Variants in ST6GAL1 observed in about 807,000 individuals in gnomAD.
The protein encoded by ST6GAL1 is ST6 beta-galactoside alpha-2,6-sialyltransferase 1, also known as beta-galactoside alpha-2,6-sialyltransferase 1.
ST6GAL1 carries 20 observed loss-of-function variants against 38.0 expected under a neutral mutation model. The ratio of observed to expected loss-of-function variants is 0.53; its 90% CI spans 0.37 to 0.77. The LOEUF (loss-of-function observed/expected upper bound fraction) is 0.77, where lower values mean the gene tolerates loss of function less well. Among genes scored for constraint, ST6GAL1 ranks in the 30% least tolerant of loss-of-function variants. The pLI, the probability that ST6GAL1 is intolerant of heterozygous loss-of-function variation, is 0.00. For synonymous variants in ST6GAL1, 196 were observed against 188.2 expected (o/e 1.04, Z -0.34); for missense variants, 432 against 496.4 (o/e 0.87, Z 1.23).
chr3:187,026,828 G>T (rs550908959), intron 2 of ST6GAL1, among the ~76,000 whole-genome samples: 2 of 152,292 alleles, frequency 1.3e-5, no homozygotes, highest in Admixed American at 1.3e-4. Context: ...GGTGGATCAT[G>T]AGGTCAGGAG....
intron 2 of ST6GAL1, among the ~76,000 whole-genome samples, chr3:186,980,601 T>TGC (rs1472471851): frequency 4.1e-4 from 22 of 53,556 alleles, no homozygotes; most frequent in African/African-American, 1.6e-3. Context: ...CTACTAAAAT[T>TGC]ACAAAAAAAA....
intron 2 of ST6GAL1, among the ~76,000 whole-genome samples, chr3:187,000,619 C>A (rs916748479): frequency 1.3e-5 from 2 of 152,138 alleles, no homozygotes; most frequent in Non-Finnish European, 2.9e-5. Flanking sequence ...TAGTGCATGT[C>A]TTTTGTTAAT....
intron 5 of ST6GAL1, among the ~76,000 whole-genome samples, chr3:187,068,191 A>C (rs140479690): frequency 0.048 from 7,369 of 151,986 alleles, 334 homozygotes; most frequent in South Asian, 0.13. Flanking sequence ...AAATACAAAA[A>C]ATTAGCTGGG....
At chr3:187,074,093 G>T in intron 6 of ST6GAL1, 66 bp from the exon 7 acceptor site, 1 of 1,405,106 alleles carries the variant, frequency 7.1e-7, no homozygotes, top group South Asian at 1.5e-5. Flanking sequence ...TGATGAAGAT[G>T]ACTCCTGGGG....
intron 2 of ST6GAL1, among the ~76,000 whole-genome samples, chr3:186,974,750 G>A (rs1481910134): frequency 6.6e-6 from 1 of 151,968 alleles, no homozygotes; most frequent in Non-Finnish European, 1.5e-5. Flanking sequence ...CCACAGCAGG[G>A]TTGGGTGCAA....
In ST6GAL1 at chr3:186,962,211, C is replaced by T. The variant is rs180832233; in HGVS notation, c.-324-1574C>T. On this transcript the variant is annotated intron_variant, in intron 1 of 7. Coordinates refer to ENST00000169298, the MANE Select transcript of ST6GAL1 (RefSeq NM_173216.2). The stretch of plus-strand genomic sequence containing the variant: ...TTCAGTTCTGTCTATCAGCATCTCC[C>T]GTCTCATGGGATGACTCTTGTTTCT... 2.4e-3 allele frequency among the ~76,000 whole-genome samples: 359 copies of T among 152,298 alleles called. 2 individuals are homozygous for T. Among genetic ancestry groups the T allele is most frequent in the African/African-American group, 8.1e-3 (336 of 41,564 alleles).
chr3:187,011,972 G>T (rs1716967829), intron 2 of ST6GAL1, among the ~76,000 whole-genome samples: 1 of 152,204 alleles, frequency 6.6e-6, no homozygotes, highest in Non-Finnish European at 1.5e-5. Flanking sequence ...TCTGGAGCAG[G>T]ATTCAGACCT....
chr3:187,065,072 G>C (rs902629039), intron 5 of ST6GAL1, among the ~76,000 whole-genome samples: 38 of 151,056 alleles, frequency 2.5e-4, no homozygotes, highest in Non-Finnish European at 4.9e-4. Flanking sequence ...GTGCACTCTC[G>C]GCTCCCTGCT....
At chr3:186,958,876 G>A (rs1458070795) in intron 1 of ST6GAL1, among the ~76,000 whole-genome samples, 1 of 150,972 alleles carries the variant, frequency 6.6e-6, no homozygotes, top group Admixed American at 6.6e-5. Flanking sequence ...TCGCTTGAAC[G>A]TGGGAGGCGG....
intron 2 of ST6GAL1, among the ~76,000 whole-genome samples, chr3:186,975,624 C>T (rs1353812106): frequency 6.6e-6 from 1 of 152,226 alleles, no homozygotes; most frequent in Non-Finnish European, 1.5e-5. Flanking sequence ...TGTACTCTCC[C>T]ATCCACTTCT....
rs919532253 is a variant in ST6GAL1 at position 187,075,198 on chromosome 3, G to A, written c.980-364G>A. The stretch of plus-strand genomic sequence containing the variant: ...AGTGCTAACTACACATGATGCCACT[G>A]TCTCCTCAATCAGCTCAGTAATCTT... On this transcript the variant is annotated intron_variant, in intron 7 of 7. Coordinates refer to ENST00000169298, the MANE Select transcript of ST6GAL1 (RefSeq NM_173216.2). The surrounding 1 kb of genome is among the most constrained non-coding windows in gnomAD (Gnocchi z 4.1). Among the ~76,000 whole-genome samples the A allele has an allele frequency of 2.6e-5, 4 of 152,218 alleles. No homozygotes were observed. The highest frequency in any genetic ancestry group is 9.6e-5 in the African/African-American group (4 of 41,454).
rs372985934 is a variant in ST6GAL1 at position 186,986,976 on chromosome 3, T to A, written c.-183+23050T>A. On this transcript the variant is annotated intron_variant, in intron 2 of 7. Coordinates refer to ENST00000169298, the MANE Select transcript of ST6GAL1 (RefSeq NM_173216.2). ...ACCAAAGGTTTTCTTTCTTTCCTTTTAAAAAAAAGTGATATACAGTGAATA... is the reference window on the plus strand; with the variant it reads ...ACCAAAGGTTTTCTTTCTTTCCTTTAAAAAAAAAGTGATATACAGTGAATA... Among the ~76,000 whole-genome samples, 143 of 151,762 alleles carry A rather than the reference T, an allele frequency of 9.4e-4. 1 individual carries two copies. Among genetic ancestry groups the A allele is most frequent in the African/African-American group, 3.1e-3 (129 of 41,344 alleles).
chr3:187,034,352 C>T (rs1717856340), intron 2 of ST6GAL1, among the ~76,000 whole-genome samples: 1 of 152,154 alleles, frequency 6.6e-6, no homozygotes, highest in Non-Finnish European at 1.5e-5. Flanking sequence ...ACCAGTCCTA[C>T]TGAAATTATT....
chr3:187,048,164 C>T (rs954890535), intron 4 of ST6GAL1, among the ~76,000 whole-genome samples: 10 of 152,168 alleles, frequency 6.6e-5, no homozygotes, highest in East Asian at 1.9e-4. Flanking sequence ...AGGATGGTCT[C>T]GATCTCCTGA....
intron 5 of ST6GAL1, among the ~76,000 whole-genome samples, chr3:187,063,115 A>G (rs1482355230): frequency 6.6e-6 from 1 of 152,238 alleles, no homozygotes; most frequent in East Asian, 1.9e-4. Flanking sequence ...TGTATATTTT[A>G]AAAGCTTTCT....
chr3:187,076,540 C>T lies in ST6GAL1; in HGVS notation c.*737C>T, dbSNP rs1402865137. ...ACAGGCAGGTAGGATTCAGTGTGCT[C>T]AGTGCACTGGGGATTTGGAGAGAGA... On this transcript the variant is annotated 3_prime_UTR_variant, in exon 8 of 8. Transcript: ENST00000169298. 6.5e-6 allele frequency: 2 copies of T among 307,552 alleles called. No individual in the cohort carries two copies. The highest frequency in any genetic ancestry group is 5.2e-5 in the East Asian group (1 of 19,150). The allele number at this position is 307,552 out of a possible 1,614,324, so 19.1% of individuals were successfully genotyped here.
intron 1 of ST6GAL1, among the ~76,000 whole-genome samples, chr3:186,936,568 G>A (rs1713960308): frequency 6.6e-6 from 1 of 152,172 alleles, no homozygotes; most frequent in South Asian, 2.1e-4. Flanking sequence ...GATTTTCTAA[G>A]TAATTATTAC....
At chr3:186,943,363 C>T (rs750237060) in intron 1 of ST6GAL1, among the ~76,000 whole-genome samples, 23 of 152,100 alleles carry the variant, frequency 1.5e-4, no homozygotes, top group Non-Finnish European at 2.9e-4. Flanking sequence ...CATGAAGTGG[C>T]GGGACTTGAG....
chr3:186,976,523 G>A (rs920854107), intron 2 of ST6GAL1, among the ~76,000 whole-genome samples: 3 of 151,974 alleles, frequency 2.0e-5, no homozygotes, highest in African/African-American at 7.3e-5. Context: ...TCCATCTCCC[G>A]GGTTCAAGCG....
Sources: gnomAD v4.1 joint callset for allele counts (sites outside exome capture counted in the v4.1 genomes callset) on GRCh38, gnomAD v4.1.1 for gene constraint, Gnocchi (gnomAD v3.1) non-coding constraint, MANE v1.5 for transcripts, NCBI Gene and HGNC (gene_info 2026-07-23, HGNC 2026-07-21) for gene names.